The following ATF7 variants were observed in gnomAD, a reference collection of about 807,000 sequenced individuals.
ATF7 encodes activating transcription factor 7.
A neutral mutation model predicts 50.4 loss-of-function variants in ATF7; 10 were observed. The ratio of observed to expected loss-of-function variants is 0.20; its 90% CI spans 0.12 to 0.34. ATF7 has a LOEUF of 0.34. Ranked by LOEUF, ATF7 falls within the 10% of genes least tolerant of loss-of-function variation. The pLI, the probability that ATF7 is intolerant of heterozygous loss-of-function variation, is 1.00. For synonymous variants in ATF7, 201 were observed against 226.4 expected (o/e 0.89, Z 1.01); for missense variants, 465 against 613.9 (o/e 0.76, Z 2.56).
intron 2 of ATF7, among the ~76,000 whole-genome samples, chr12:53,561,263 A>G (rs1027086145): frequency 1.3e-5 from 2 of 151,008 alleles, no homozygotes; most frequent in Non-Finnish European, 2.9e-5. Flanking sequence ...AGGAAATAGT[A>G]TGAAAAAGTC....
intron 2 of ATF7, among the ~76,000 whole-genome samples, chr12:53,560,296 AT>A (rs1305528971): frequency 6.6e-6 from 1 of 151,996 alleles, no homozygotes; most frequent in Non-Finnish European, 1.5e-5. Flanking sequence ...TTGCAGGATA[AT>A]TCTAAACAAG....
downstream of ATF7, among the ~76,000 whole-genome samples, chr12:53,508,558 C>CAA (rs11464529): frequency 1.8e-3 from 261 of 146,502 alleles, 2 homozygotes; most frequent in African/African-American, 4.8e-3. Context: ...AACTCTGTCT[C>CAA]AAAAAAAAAA....
intron 1 of ATF7, among the ~76,000 whole-genome samples, chr12:53,625,192 G>C (rs906333240): frequency 6.6e-6 from 1 of 152,176 alleles, no homozygotes; most frequent in African/African-American, 2.4e-5. Context: ...GCAATTCAGA[G>C]CAACATATTA....
At chr12:53,558,902 A>G (rs1940916728) in intron 2 of ATF7, among the ~76,000 whole-genome samples, 1 of 152,164 alleles carries the variant, frequency 6.6e-6, no homozygotes, top group South Asian at 2.1e-4. Flanking sequence ...ATTTCTAGTA[A>G]GTTTTACTCT....
chr12:53,611,379 G>A (rs1186200887), intron 1 of ATF7, among the ~76,000 whole-genome samples: 8 of 152,150 alleles, frequency 5.3e-5, no homozygotes, highest in African/African-American at 1.7e-4. Context: ...CTCAAACCAG[G>A]GAGTTGGAGG....
chr12:53,577,074 G>A (rs753015437), intron 2 of ATF7, among the ~76,000 whole-genome samples: 5 of 152,058 alleles, frequency 3.3e-5, no homozygotes, highest in Admixed American at 6.6e-5. Flanking sequence ...AAAAAGAAAT[G>A]AAGAATGCCT....
chr12:53,625,272 G>T (rs574103752), intron 1 of ATF7, among the ~76,000 whole-genome samples: 13 of 152,228 alleles, frequency 8.5e-5, no homozygotes, highest in African/African-American at 3.1e-4. Context: ...GGAAGAGTTT[G>T]GGTAATAGAA....
chr12:53,577,140 G>A (rs1942118427), intron 2 of ATF7, among the ~76,000 whole-genome samples: 1 of 152,070 alleles, frequency 6.6e-6, no homozygotes. Context: ...TTGAACTTGA[G>A]CTGGGCATGG....
At chr12:53,606,035 A>G (rs146868220) in intron 1 of ATF7, among the ~76,000 whole-genome samples, 65 of 152,324 alleles carry the variant, frequency 4.3e-4, no homozygotes, top group African/African-American at 1.4e-3. Flanking sequence ...GGCACTTTAT[A>G]TGACCACAGC....
chr12:53,581,408 C>G lies in ATF7; in HGVS notation c.48+19545G>C, dbSNP rs1034503691. On this transcript the variant is annotated intron_variant, in intron 2 of 11. Transcript: ENST00000420353. The stretch of plus-strand genomic sequence containing the variant: ...AACAGATTATACATTCTTCTTAGCT[C>G]ACATGGAACATTTACCAAGACTGAC... Among the ~76,000 whole-genome samples, 10 of 152,260 alleles carry G rather than the reference C, an allele frequency of 6.6e-5. No individual in the cohort carries two copies. The East Asian group carries it at 1.5e-3, about 24-fold the overall frequency.
In ATF7 at chr12:53,534,607, C is replaced by T. The variant is rs768505148; in HGVS notation, c.455G>A (p.Arg152His). Reference sequence around the variant, plus strand: ...CAAGTGGAGAGGCAGGGAGCCAGGACGTACAATGGTGGGTGTGGGGGTAGA... The same window carrying T: ...CAAGTGGAGAGGCAGGGAGCCAGGATGTACAATGGTGGGTGTGGGGGTAGA... ...LISTPTPTIV[R>H]PGSLPLHLGY... Residue 152 changes from arginine to histidine, a missense_variant, in exon 6 of 12, where the codon CGT becomes CAT. Transcript: ENST00000420353. The T allele has an allele frequency of 5.0e-5, 80 of 1,613,240 alleles. 2 individuals carry two copies. The highest frequency in any genetic ancestry group is 2.4e-4 in the South Asian group (22 of 91,010).
chr12:53,620,351 C>A (rs1264320500), intron 1 of ATF7, among the ~76,000 whole-genome samples: 1 of 151,048 alleles, frequency 6.6e-6, no homozygotes, highest in Non-Finnish European at 1.5e-5. Flanking sequence ...CCGAGGCGGG[C>A]GGATCACGAG....
At position 53,531,224 on chromosome 12, in the gene ATF7, C is replaced by T. The variant is rs548477906; in HGVS notation, c.927+520G>A. ...TCACCTCAGGTCAGGAGTTGGAGAC[C>T]AGCCTGGCCAACATGGTGAGACCCC... On this transcript the variant is annotated intron_variant, in intron 9 of 11. Coordinates refer to ENST00000420353, the MANE Select transcript of ATF7 (RefSeq NM_006856.3). 1.3e-4 allele frequency among the ~76,000 whole-genome samples: 20 copies of T among 151,926 alleles called. No individual in the cohort carries two copies. In the South Asian group the frequency reaches 4.2e-3, roughly 32 times the overall value.
intron 2 of ATF7, among the ~76,000 whole-genome samples, chr12:53,581,782 A>G (rs1459255423): frequency 6.6e-6 from 1 of 151,694 alleles, no homozygotes; most frequent in African/African-American, 2.4e-5. Flanking sequence ...AACTAGGGGG[A>G]AAAAGAGCAA....
At chr12:53,527,348 G>A (rs773057950) in intron 9 of ATF7, among the ~76,000 whole-genome samples, 1 of 151,920 alleles carries the variant, frequency 6.6e-6, no homozygotes, top group South Asian at 2.1e-4. Context: ...TGGGCATGGT[G>A]ATGCATTCCT....
chr12:53,619,037 GCAAGACTCTGTCTC>G (rs1258474962), intron 1 of ATF7, among the ~76,000 whole-genome samples: 1 of 146,608 alleles, frequency 6.8e-6, no homozygotes, highest in Non-Finnish European at 1.5e-5. Context: ...GGCTGACATA[GCAAGACTCTGTCTC>G]CAAAAAAAAA....
rs146042552 is a variant in ATF7 at position 53,610,902 on chromosome 12, A to G, written c.-21-9881T>C. Among the ~76,000 whole-genome samples, 311 of 152,128 alleles carry G rather than the reference A, an allele frequency of 2.0e-3. 1 individual carries two copies. The highest frequency in any genetic ancestry group is 7.3e-3 in the African/African-American group (302 of 41,524). On this transcript the variant is annotated intron_variant, in intron 1 of 11. Transcript: ENST00000420353. The stretch of plus-strand genomic sequence containing the variant: ...GAGTACAGTGGCATGATCACAGTTC[A>G]CTACAGCCTCGACCTCCTAGTTCAA...
chr12:53,562,185 A>G (rs1941163735), intron 2 of ATF7, among the ~76,000 whole-genome samples: 1 of 152,324 alleles, frequency 6.6e-6, no homozygotes, highest in South Asian at 2.1e-4. Context: ...GCTACAATGT[A>G]AGCTCCTCAA....
intron 2 of ATF7, among the ~76,000 whole-genome samples, chr12:53,553,128 A>G (rs773333918): frequency 9.9e-5 from 15 of 152,166 alleles, no homozygotes; most frequent in Non-Finnish European, 1.8e-4. Flanking sequence ...TAGGAGAACC[A>G]TTTAACTTCT....
Sources: gnomAD v4.1 joint callset for allele counts (sites outside exome capture counted in the v4.1 genomes callset) on GRCh38, gnomAD v4.1.1 for gene constraint, MANE v1.5 for transcripts, NCBI Gene and HGNC (gene_info 2026-07-23, HGNC 2026-07-21) for gene names.